AHRR: variants seen among roughly 807,000 people sequenced by gnomAD.
AHRR encodes the protein ahR repressor.
A neutral mutation model predicts 44.0 loss-of-function variants in AHRR; 28 were observed. That is an observed-to-expected ratio of 0.64 (90% CI 0.47 to 0.87). The LOEUF is 0.87. Ranked by LOEUF, AHRR falls within the 40% of genes least tolerant of loss-of-function variation. The probability of loss-of-function intolerance (pLI) is 0.00; values close to 1 mark genes in which losing one functional copy is unlikely to be tolerated. For missense variants in AHRR, 990 were observed against 953.9 expected, an observed-to-expected ratio of 1.04 and a Z score of -0.50; for synonymous variants, 434 against 407.0, an observed-to-expected ratio of 1.07 and a Z score of -0.80.
chr5:428,006 A>G lies in AHRR; in HGVS notation c.908A>G (p.Lys303Arg), dbSNP rs1451063266. The G allele has an allele frequency of 3.7e-6, 6 of 1,613,422 alleles. No homozygotes were observed. In the Admixed American group the frequency reaches 8.3e-5, roughly 22 times the overall value. The part of the protein sequence containing the change: ...RADTAATADA[K>R]VKATTSLCES... ...GACACCGCAGCCACCGCGGATGCAA[A>G]GTGAGTAAGACTCGCCCTTCACAGC... Residue 303 changes from lysine (K) to arginine (R), a missense_variant and splice_region_variant, in exon 8 of 11, where the codon AAA becomes AGA. Coordinates refer to ENST00000684583, the MANE Select transcript of AHRR (RefSeq NM_001377236.1).
At chr5:426,395 AATGG>A (rs1216435466) in intron 7 of AHRR, among the ~76,000 whole-genome samples, 1 of 133,156 alleles carries the variant, frequency 7.5e-6, no homozygotes, top group Non-Finnish European at 1.6e-5. Context: ...AAGATGGATG[AATGG>A]ATGGATGGAT....
intron 2 of AHRR, 92 bp from the exon 3 acceptor site, chr5:353,638 C>A: frequency 8.2e-7 from 1 of 1,225,228 alleles, no homozygotes; most frequent in Non-Finnish European, 1.1e-6. Flanking sequence ...GTAGATGCTC[C>A]TAGTAAGGTC....
At chr5:433,292 C>T (rs78950644) in intron 10 of AHRR, among the ~76,000 whole-genome samples, 136 of 152,258 alleles carry the variant, frequency 8.9e-4, no homozygotes, top group African/African-American at 3.1e-3. Context: ...CCTCTCTCCC[C>T]CCTCTCCCTC....
rs1741724807 is a variant in AHRR, at chr5:326,733, A to G, written c.-11+4914A>G. ...CCAGAAACAGTTCCAATTTCTCCATAGCCCCACTGACCCTTGTTATGTTCC... is the reference window on the plus strand; with the variant it reads ...CCAGAAACAGTTCCAATTTCTCCATGGCCCCACTGACCCTTGTTATGTTCC... On this transcript the variant is annotated intron_variant, in intron 1 of 10. Transcript: ENST00000684583. This position sits in a 1 kb window ranked among gnomAD's most constrained non-coding sequence, Gnocchi z 4.1. 6.6e-6 allele frequency among the ~76,000 whole-genome samples: 1 copy of G among 152,096 alleles called. No individual in the cohort carries two copies. Among genetic ancestry groups the G allele is most frequent in the African/African-American group, 2.4e-5 (1 of 41,412 alleles).
chr5:434,378 C>A lies in AHRR; in HGVS notation c.1638C>A (p.Asp546Glu). The A allele has an allele frequency of 6.2e-7, 1 of 1,613,562 alleles. No homozygotes were observed. Among genetic ancestry groups the A allele is most frequent in the Non-Finnish European group, 8.5e-7 (1 of 1,179,978 alleles). Reference protein sequence around the residue: ...EKDSGCEGAADGCVPSQVWLG... With the variant: ...EKDSGCEGAAEGCVPSQVWLG... ...ACTCTGGGTGTGAGGGTGCTGCAGACGGCTGTGTGCCCAGCCAGGTGTGGC... is the reference window on the plus strand; with the variant it reads ...ACTCTGGGTGTGAGGGTGCTGCAGAAGGCTGTGTGCCCAGCCAGGTGTGGC... The change falls in exon 11 of 11, where the codon GAC becomes GAA. Residue 546 changes from aspartate to glutamate, a missense_variant. By Grantham distance (45) the Asp-to-Glu change is conservative. Coordinates refer to ENST00000684583, the MANE Select transcript of AHRR (RefSeq NM_001377236.1).
intron 3 of AHRR, among the ~76,000 whole-genome samples, chr5:361,122 G>A (rs568284259): frequency 2.2e-4 from 33 of 152,286 alleles, no homozygotes; most frequent in African/African-American, 6.5e-4. Context: ...GGTGGTGGGC[G>A]TCTGTAATCA....
chr5:332,320 T>C (rs1011826489), intron 1 of AHRR, among the ~76,000 whole-genome samples: 3 of 141,776 alleles, frequency 2.1e-5, no homozygotes, highest in African/African-American at 8.0e-5. Flanking sequence ...CAGGCTGGAG[T>C]GCAGTGGCAT....
chr5:382,682 A>G (rs1484365162), intron 4 of AHRR, among the ~76,000 whole-genome samples: 2 of 150,902 alleles, frequency 1.3e-5, no homozygotes, highest in Non-Finnish European at 3.0e-5. Flanking sequence ...TTTGGATTTA[A>G]TTTCCTCTTC....
At chr5:413,313 A>ATTTTTTTTTTTTTTTTTTTTTTT in intron 4 of AHRR, 31 bp from the exon 5 acceptor site, 1 of 1,326,912 alleles carries the variant, frequency 7.5e-7, no homozygotes. Flanking sequence ...AGCCAATTCG[A>ATTTTTTTTTTTTTTTTTTTTTTT]TTTTTTTTTT....
At chr5:376,131 G>A (rs929602163) in intron 3 of AHRR, among the ~76,000 whole-genome samples, 2 of 108,780 alleles carry the variant, frequency 1.8e-5, no homozygotes, top group Non-Finnish European at 3.5e-5. Context: ...GAAGACCCAG[G>A]TGGACGCAGG....
intron 2 of AHRR, among the ~76,000 whole-genome samples, chr5:349,315 C>T (rs1314554014): frequency 1.3e-5 from 2 of 152,186 alleles, no homozygotes; most frequent in Non-Finnish European, 2.9e-5. Context: ...CGGTGGCTCA[C>T]GCCTGTAATC....
intron 4 of AHRR, among the ~76,000 whole-genome samples, chr5:399,017 A>G (rs560009644): frequency 1.2e-4 from 18 of 152,346 alleles, no homozygotes; most frequent in Non-Finnish European, 2.4e-4. Flanking sequence ...TCTCGGCCTC[A>G]TGGCTGCTTC....
chr5:361,385 A>G (rs1300851104), intron 3 of AHRR, among the ~76,000 whole-genome samples: 1 of 152,254 alleles, frequency 6.6e-6, no homozygotes, highest in Non-Finnish European at 1.5e-5. Flanking sequence ...CAGAGACACT[A>G]TCAGCTTGGC....
At chr5:354,056 C>A in intron 3 of AHRR, 145 bp downstream of exon 3, 3 of 912,106 alleles carry the variant, frequency 3.3e-6, no homozygotes, top group Non-Finnish European at 4.8e-6. Context: ...CCCCCAGAAC[C>A]TGGAGACTTG....
chr5:398,394 C>T (rs567348814), intron 4 of AHRR, among the ~76,000 whole-genome samples: 1 of 135,520 alleles, frequency 7.4e-6, no homozygotes, highest in Non-Finnish European at 1.7e-5. Context: ...GTCTGGTTAG[C>T]CCCTGACTGT....
At chr5:381,506 CTTTTTTTT>C (rs781159124) in intron 4 of AHRR, among the ~76,000 whole-genome samples, 1 of 46,910 alleles carries the variant, frequency 2.1e-5, no homozygotes, top group Admixed American at 3.1e-4. Context: ...CTTAGGTTTG[CTTTTTTTT>C]TTTTTTTTTT....
Position 434,520 on chromosome 5 carries a change from G to A in AHRR, c.1780G>A (p.Ala594Thr). Residue 594 changes from alanine to threonine, a missense_variant, in exon 11 of 11, where the codon GCT (alanine) becomes ACT (threonine). By Grantham distance (58) the Ala-to-Thr change is moderately conservative (BLOSUM62 0). Coordinates refer to ENST00000684583, the MANE Select transcript of AHRR (RefSeq NM_001377236.1). ...GCACCTGGGGCACGGCGTGCGGGGGGCTCAGCCCCATGGGAGGGCCACTGC... is the reference window on the plus strand; with the variant it reads ...GCACCTGGGGCACGGCGTGCGGGGGACTCAGCCCCATGGGAGGGCCACTGC... ...ISHLGHGVRG[A>T]QPHGRATAGR... is the part of the protein sequence containing the mutation. 1 of 1,611,884 alleles carries A rather than the reference G, an allele frequency of 6.2e-7. No individual in the cohort carries two copies. The highest frequency in any genetic ancestry group is 8.5e-7 in the Non-Finnish European group (1 of 1,179,570).
chr5:363,535 C>T (rs180723927), intron 3 of AHRR, among the ~76,000 whole-genome samples: 1 of 152,218 alleles, frequency 6.6e-6, no homozygotes, highest in African/African-American at 2.4e-5. Flanking sequence ...TATGACCCCA[C>T]CTGGTCCACA....
At chr5:372,053 C>T (rs1743597253) in intron 3 of AHRR, among the ~76,000 whole-genome samples, 1 of 152,236 alleles carries the variant, frequency 6.6e-6, no homozygotes, top group African/African-American at 2.4e-5. Context: ...CATTCCTTAC[C>T]ACCTTCTCCC....
Sources: allele counts gnomAD v4.1 joint callset (sites outside exome capture counted in the v4.1 genomes callset), GRCh38; gene constraint gnomAD v4.1.1; non-coding constraint Gnocchi (gnomAD v3.1); transcripts MANE v1.5; gene names NCBI Gene and HGNC (gene_info 2026-07-23, HGNC 2026-07-21).